Variants in KHDRBS2 observed in about 807,000 individuals in gnomAD.
The protein encoded by KHDRBS2 is KH domain-containing, RNA-binding, signal transduction-associated protein 2.
Under a neutral mutation model 44.3 loss-of-function variants are expected in KHDRBS2, and 26 were observed. That is an observed-to-expected ratio of 0.59 (90% confidence interval 0.43 to 0.81). The LOEUF is 0.81. KHDRBS2 is among the 40% of genes least tolerant of loss of function. The pLI is 0.00. For missense variants in KHDRBS2, 476 were observed against 433.1 expected, an observed-to-expected ratio of 1.10 and a Z score of -0.88; for synonymous variants, 194 against 151.1, an observed-to-expected ratio of 1.28 and a Z score of -2.08.
At chr6:62,082,019 A>G (rs1797497159) in intron 2 of KHDRBS2, among the ~76,000 whole-genome samples, 1 of 152,134 alleles carries the variant, frequency 6.6e-6, no homozygotes, top group African/African-American at 2.4e-5. Context: ...ACAATAGGGT[A>G]TTGATCTCAG....
At chr6:62,175,871 C>T (rs1340715923) in intron 2 of KHDRBS2, among the ~76,000 whole-genome samples, 1 of 151,368 alleles carries the variant, frequency 6.6e-6, no homozygotes. Flanking sequence ...GCCTTACATA[C>T]CTTGCCAGCT....
At chr6:62,271,152 C>T (rs557184527) in intron 1 of KHDRBS2, among the ~76,000 whole-genome samples, 61 of 151,986 alleles carry the variant, frequency 4.0e-4, no homozygotes, top group African/African-American at 9.6e-4. Context: ...CACAGGTATG[C>T]GTATGTATGA....
intron 7 of KHDRBS2, among the ~76,000 whole-genome samples, chr6:61,701,052 G>A (rs1315954593): frequency 6.6e-6 from 1 of 151,814 alleles, no homozygotes; most frequent in East Asian, 1.9e-4. Context: ...TGGGAGGGTG[G>A]TGGGTGCAAA....
chr6:61,941,621 C>T (rs1812147607), intron 4 of KHDRBS2, among the ~76,000 whole-genome samples: 1 of 152,010 alleles, frequency 6.6e-6, no homozygotes, highest in Non-Finnish European at 1.5e-5. Context: ...ATAACTGCTC[C>T]CTAAGCCACC....
chr6:61,563,800 C>T, the KHDRBS2 span, among the ~76,000 whole-genome samples: 512 of 152,074 alleles, frequency 3.4e-3, 6 homozygotes, highest in Admixed American at 0.027. Context: ...GACGTTAGAG[C>T]CTGAGAGAGG....
intron 2 of KHDRBS2, among the ~76,000 whole-genome samples, chr6:62,111,030 C>G (rs1408596723): frequency 3.3e-5 from 5 of 151,772 alleles, no homozygotes; most frequent in Non-Finnish European, 7.4e-5. Flanking sequence ...TTTTATTTTT[C>G]TGGATTATCT....
intron 4 of KHDRBS2, among the ~76,000 whole-genome samples, chr6:61,962,818 A>G (rs1463117430): frequency 6.6e-6 from 1 of 152,148 alleles, no homozygotes. Context: ...AATCAGATTT[A>G]GAACCTTTGT....
the KHDRBS2 span, among the ~76,000 whole-genome samples, chr6:61,587,652 C>A: frequency 6.6e-6 from 1 of 151,182 alleles, no homozygotes; most frequent in Admixed American, 6.6e-5. Flanking sequence ...GAGTTGAGGC[C>A]AAAAAAAATG....
chr6:61,838,741 C>A (rs756321614), intron 6 of KHDRBS2, among the ~76,000 whole-genome samples: 1 of 152,030 alleles, frequency 6.6e-6, no homozygotes, highest in Non-Finnish European at 1.5e-5. Context: ...TATCATCCTT[C>A]ACATGGACTA....
intron 2 of KHDRBS2, among the ~76,000 whole-genome samples, chr6:62,158,677 C>A (rs1210015802): frequency 2.0e-5 from 3 of 152,100 alleles, no homozygotes; most frequent in Non-Finnish European, 4.4e-5. Context: ...ATTAAGGTTT[C>A]TCTTATTGAG....
At chr6:62,223,605 G>T (rs1831266394) in intron 1 of KHDRBS2, among the ~76,000 whole-genome samples, 1 of 152,070 alleles carries the variant, frequency 6.6e-6, no homozygotes, top group South Asian at 2.1e-4. Context: ...GAACTTTTAT[G>T]CTCTGCTTCC....
chr6:62,275,953 T>G (rs935199593), intron 1 of KHDRBS2, among the ~76,000 whole-genome samples: 2 of 152,318 alleles, frequency 1.3e-5, no homozygotes, highest in Non-Finnish European at 2.9e-5. Context: ...AGCCATTACT[T>G]GAGTCATCCC....
intron 1 of KHDRBS2, among the ~76,000 whole-genome samples, chr6:62,218,290 G>A (rs1038021325): frequency 1.3e-5 from 2 of 151,868 alleles, no homozygotes; most frequent in Non-Finnish European, 2.9e-5. Flanking sequence ...AATCTCCAAT[G>A]TTCTGGGTAT....
chr6:61,793,462 A>C (rs1442928718), intron 6 of KHDRBS2, among the ~76,000 whole-genome samples: 1 of 152,048 alleles, frequency 6.6e-6, no homozygotes, highest in Non-Finnish European at 1.5e-5. Context: ...AAAGAATAAA[A>C]ATATAAACAG....
rs398001756 is a variant in KHDRBS2 at position 62,059,198 on chromosome 6, G to GTTTTTTTTTTTTTTTTTTTTTTTTTTT, written c.220-11231_220-11205dup. ...TATTTCCACATAGAAAAGTTAGGAAGTTTTTTTTTTTTTTTTTTTTTTTTT... is the reference window on the plus strand; with the variant it reads ...TATTTCCACATAGAAAAGTTAGGAAGTTTTTTTTTTTTTTTTTTTTTTTTTTTTTTTTTTTTTTTTTTTTTTTTTTTT... On this transcript the variant is annotated intron_variant, in intron 2 of 8. Transcript: ENST00000281156. Among the ~76,000 whole-genome samples, 36 of 24,886 alleles carry GTTTTTTTTTTTTTTTTTTTTTTTTTTT rather than the reference G, an allele frequency of 1.4e-3. 15 individuals are homozygous for GTTTTTTTTTTTTTTTTTTTTTTTTTTT. The highest frequency in any genetic ancestry group is 1.8e-3 in the Non-Finnish European group (22 of 12,206). The allele number at this position is 24,886 out of a possible 152,430, so 16.3% of individuals were successfully genotyped here. A position where few individuals can be genotyped will look rare whatever the true frequency, so the allele number is the denominator to read the frequency against.
chr6:61,734,728 G>C (rs1368804244), intron 6 of KHDRBS2, among the ~76,000 whole-genome samples: 1 of 151,730 alleles, frequency 6.6e-6, no homozygotes, highest in Non-Finnish European at 1.5e-5. Context: ...GTTAATAATT[G>C]TTCATTCATC....
the KHDRBS2 span, among the ~76,000 whole-genome samples, chr6:61,589,779 G>A: frequency 6.6e-6 from 1 of 152,102 alleles, no homozygotes; most frequent in Non-Finnish European, 1.5e-5. Context: ...TGTGGATGTT[G>A]GAAAATAATC....
chr6:61,796,502 T>TA lies in KHDRBS2; in HGVS notation c.811-63739dup, dbSNP rs1000639724. On this transcript the variant is annotated intron_variant, in intron 6 of 8. Coordinates refer to ENST00000281156, the MANE Select transcript of KHDRBS2 (RefSeq NM_152688.4). ...GTATTAATTTCAGAAGGCATATTCT[T>TA]ACATTTACAAACCTCGCTTTTGAGT... Among the ~76,000 whole-genome samples the TA allele has an allele frequency of 2.6e-5, 4 of 152,076 alleles. 1 individual carries two copies. The highest frequency in any genetic ancestry group is 2.6e-4 in the Admixed American group (4 of 15,262).
chr6:61,785,378 A>G (rs957302579), intron 6 of KHDRBS2, among the ~76,000 whole-genome samples: 2 of 152,154 alleles, frequency 1.3e-5, no homozygotes, highest in African/African-American at 4.8e-5. Flanking sequence ...AAGAGTATAA[A>G]TTTGTATAAA....
Sources: gnomAD v4.1 joint callset for allele counts (sites outside exome capture counted in the v4.1 genomes callset) on GRCh38, gnomAD v4.1.1 for gene constraint, MANE v1.5 for transcripts, NCBI Gene and HGNC (gene_info 2026-07-23, HGNC 2026-07-21) for gene names.